Variants in PCDH7 observed in about 807,000 individuals in gnomAD.
PCDH7 encodes the protein protocadherin 7.
Under a neutral mutation model 58.9 loss-of-function variants are expected in PCDH7, and 17 were observed. That is an observed-to-expected ratio of 0.29 (90% CI 0.20 to 0.43). The LOEUF is 0.43. PCDH7 is among the 20% of genes least tolerant of loss of function. The probability of loss-of-function intolerance (pLI) is 1.00; values close to 1 mark genes in which losing one functional copy is unlikely to be tolerated. For missense variants in PCDH7, 1,274 were observed against 1,441.0 expected, an observed-to-expected ratio of 0.88 and a Z score of 1.88; for synonymous variants, 664 against 616.4, an observed-to-expected ratio of 1.08 and a Z score of -1.14.
chr4:30,810,169 A>G (rs969510430), intron 1 of PCDH7, among the ~76,000 whole-genome samples: 25 of 152,186 alleles, frequency 1.6e-4, no homozygotes, highest in Admixed American at 1.2e-3. Context: ...CCATTAGCAC[A>G]GATGTTCACT....
chr4:30,987,522 T>A (rs1479668875), intron 3 of PCDH7: 1 of 152,086 alleles, frequency 6.6e-6, no homozygotes, highest in Non-Finnish European at 1.5e-5. Flanking sequence ...TAATTTTAAA[T>A]CATGAAAATG....
At chr4:31,006,785 G>A (rs1752799329) in intron 3 of PCDH7, among the ~76,000 whole-genome samples, 1 of 151,792 alleles carries the variant, frequency 6.6e-6, no homozygotes, top group Admixed American at 6.6e-5. Flanking sequence ...TCAGCTACTT[G>A]GGAGGCTGAG....
At chr4:30,935,525 T>C (rs1578345388) in intron 2 of PCDH7, among the ~76,000 whole-genome samples, 1 of 152,140 alleles carries the variant, frequency 6.6e-6, no homozygotes, top group Non-Finnish European at 1.5e-5. Context: ...GCTAAATGGC[T>C]CTGTCTTTAA....
At chr4:31,030,598 G>GA (rs1270308255) in intron 3 of PCDH7, among the ~76,000 whole-genome samples, 1 of 151,940 alleles carries the variant, frequency 6.6e-6, no homozygotes, top group Non-Finnish European at 1.5e-5. Context: ...AAAACAAGTA[G>GA]AAAAAAAGAC....
intron 3 of PCDH7, among the ~76,000 whole-genome samples, chr4:31,011,100 T>C (rs142405389): frequency 1.3e-5 from 2 of 152,038 alleles, no homozygotes; most frequent in East Asian, 3.9e-4. Context: ...CAATTAACCA[T>C]TGTGATCAAA....
chr4:30,794,192 G>A (rs1421945841), intron 1 of PCDH7, among the ~76,000 whole-genome samples: 1 of 152,158 alleles, frequency 6.6e-6, no homozygotes, highest in Non-Finnish European at 1.5e-5. Context: ...TGGCCACAAC[G>A]GTTGTGAATA....
chr4:30,881,165 A>G lies in PCDH7; in HGVS notation c.71-38988A>G, dbSNP rs1003755728. Reference sequence around the variant, plus strand: ...CAAGGTAAATGGGGAAACAAAATTGATCCTGTTACCAACCCTGGAGCTTTT... The same window carrying G: ...CAAGGTAAATGGGGAAACAAAATTGGTCCTGTTACCAACCCTGGAGCTTTT... On this transcript the variant is annotated intron_variant, in intron 1 of 3. Coordinates refer to the PCDH7 transcript ENST00000509759. Among the ~76,000 whole-genome samples, 9 of 152,068 alleles carry G rather than the reference A, an allele frequency of 5.9e-5. 1 individual carries two copies. The highest frequency in any genetic ancestry group is 1.3e-4 in the Non-Finnish European group (9 of 68,016).
chr4:30,920,953 T>C (rs185029210), intron 2 of PCDH7, among the ~76,000 whole-genome samples: 2 of 152,280 alleles, frequency 1.3e-5, no homozygotes, highest in Non-Finnish European at 1.5e-5. Context: ...TTTTTATTTT[T>C]ATGTGAGAGA....
chr4:30,881,197 G>A (rs546667673), intron 1 of PCDH7, among the ~76,000 whole-genome samples: 41 of 152,056 alleles, frequency 2.7e-4, no homozygotes, highest in East Asian at 1.4e-3. Flanking sequence ...TTTTGGTGCC[G>A]TCAGCAGGTC....
intron 3 of PCDH7, among the ~76,000 whole-genome samples, chr4:30,977,280 T>C (rs1262734893): frequency 1.3e-5 from 2 of 152,198 alleles, no homozygotes; most frequent in African/African-American, 2.4e-5. Context: ...ACAATTATCA[T>C]TTTAATAAAA....
chr4:30,893,966 G>A (rs956135792), intron 1 of PCDH7, among the ~76,000 whole-genome samples: 25 of 152,088 alleles, frequency 1.6e-4, no homozygotes, highest in African/African-American at 5.8e-4. Flanking sequence ...AATGGCTAAA[G>A]CCATTCATAC....
At chr4:30,775,569 C>T (rs1018316100) in intron 1 of PCDH7, among the ~76,000 whole-genome samples, 3 of 152,048 alleles carry the variant, frequency 2.0e-5, no homozygotes, top group Non-Finnish European at 4.4e-5. Flanking sequence ...ATCATTATTT[C>T]GAATTTTGCT....
At chr4:30,842,052 G>A (rs1731288742) in intron 1 of PCDH7, among the ~76,000 whole-genome samples, 2 of 152,076 alleles carry the variant, frequency 1.3e-5, no homozygotes, top group African/African-American at 4.8e-5. Context: ...CATGAGCTGG[G>A]TATGAGGATG....
Position 31,009,121 on chromosome 4 carries a change from C to T in PCDH7, c.*7+58906C>T, listed in dbSNP as rs764835793. 4.0e-5 allele frequency among the ~76,000 whole-genome samples: 6 copies of T among 151,874 alleles called. 1 individual carries two copies. The highest frequency in any genetic ancestry group is 4.4e-5 in the Non-Finnish European group (3 of 67,928). ...CCAATTTTCTATAACACTTGGTCTG[C>T]GTAATTAAAATGTAAAATAATATTA... On this transcript the variant is annotated intron_variant, in intron 3 of 3. Coordinates refer to the PCDH7 transcript ENST00000509759.
At chr4:30,974,495 T>G (rs192887242) in intron 3 of PCDH7, among the ~76,000 whole-genome samples, 1 of 152,194 alleles carries the variant, frequency 6.6e-6, no homozygotes, top group African/African-American at 2.4e-5. Context: ...CACAAGCCTC[T>G]CATTTTTCTA....
intron 1 of PCDH7, among the ~76,000 whole-genome samples, chr4:30,788,296 T>C (rs1194824589): frequency 1.3e-5 from 2 of 152,250 alleles, no homozygotes; most frequent in Non-Finnish European, 2.9e-5. Flanking sequence ...TGTTTTTGTG[T>C]AGTCACCATG....
intron 1 of PCDH7, among the ~76,000 whole-genome samples, chr4:30,822,445 A>G (rs1188570705): frequency 6.6e-6 from 1 of 152,078 alleles, no homozygotes; most frequent in African/African-American, 2.4e-5. Flanking sequence ...TGAGCTGCGT[A>G]AAAGGTCAGG....
chr4:31,035,311 TG>T (rs1250065438), intron 3 of PCDH7, among the ~76,000 whole-genome samples: 2 of 140,894 alleles, frequency 1.4e-5, no homozygotes, highest in African/African-American at 2.7e-5. Flanking sequence ...TGGAGTGCAG[TG>T]GCACAACCTC....
At chr4:30,920,297 C>T (rs562494209) in exon 2 of PCDH7, 1 of 1,367,470 alleles carries the variant, frequency 7.3e-7, no homozygotes, top group South Asian at 1.1e-5. Context: ...GGGTGCGCTT[C>T]CACTCCCAGA....
Sources: allele counts gnomAD v4.1 joint callset (sites outside exome capture counted in the v4.1 genomes callset), GRCh38; gene constraint gnomAD v4.1.1; transcripts MANE v1.5; gene names NCBI Gene and HGNC (gene_info 2026-07-23, HGNC 2026-07-21).